NAALADL2: variants seen among roughly 807,000 people sequenced by gnomAD.
NAALADL2 encodes inactive N-acetylated-alpha-linked acidic dipeptidase-like protein 2.
A neutral mutation model predicts 87.2 loss-of-function variants in NAALADL2; 76 were observed. The ratio of observed to expected loss-of-function variants is 0.87; its 90% CI spans 0.72 to 1.05. The LOEUF (loss-of-function observed/expected upper bound fraction) is 1.05. NAALADL2 is among the 50% of genes least tolerant of loss of function. NAALADL2 has a pLI of 0.00. For missense variants in NAALADL2, 1,089 were observed against 945.8 expected, an observed-to-expected ratio of 1.15 and a Z score of -1.99; for synonymous variants, 354 against 331.0, an observed-to-expected ratio of 1.07 and a Z score of -0.75.
At chr3:174,935,652 A>G (rs988105471) in intron 1 of NAALADL2, among the ~76,000 whole-genome samples, 1 of 152,314 alleles carries the variant, frequency 6.6e-6, no homozygotes, top group Admixed American at 6.5e-5. Flanking sequence ...TATAACATTT[A>G]CAATTGTAAA....
intron 1 of NAALADL2, among the ~76,000 whole-genome samples, chr3:175,018,561 T>G (rs1751155636): frequency 6.6e-6 from 1 of 151,958 alleles, no homozygotes; most frequent in Non-Finnish European, 1.5e-5. Flanking sequence ...CAACTGAAAA[T>G]GAGGAGTTAG....
chr3:175,211,418 G>A (rs1284167276), intron 2 of NAALADL2, among the ~76,000 whole-genome samples: 1 of 151,758 alleles, frequency 6.6e-6, no homozygotes, highest in Non-Finnish European at 1.5e-5. Context: ...TTGATCAAAG[G>A]CTGACACTTC....
chr3:175,795,459 G>T (rs1360656702), intron 13 of NAALADL2, among the ~76,000 whole-genome samples: 2 of 151,648 alleles, frequency 1.3e-5, no homozygotes, highest in African/African-American at 2.4e-5. Flanking sequence ...GGATCACGAG[G>T]TCAGGATATT....
At chr3:175,564,143 T>C in intron 9 of NAALADL2, among the ~76,000 whole-genome samples, 1 of 152,006 alleles carries the variant, frequency 6.6e-6, no homozygotes, top group East Asian at 1.9e-4. Flanking sequence ...TTCAATTTTT[T>C]TTCTCCCTGT....
At chr3:174,615,594 T>C (rs113988109) in intron 2 of NAALADL2, among the ~76,000 whole-genome samples, 2 of 152,212 alleles carry the variant, frequency 1.3e-5, no homozygotes, top group African/African-American at 4.8e-5. Flanking sequence ...TCTGGTTTGC[T>C]TTTCTTAGGG....
At chr3:175,575,594 G>T (rs1293459736) in intron 9 of NAALADL2, among the ~76,000 whole-genome samples, 8 of 151,958 alleles carry the variant, frequency 5.3e-5, no homozygotes, top group Non-Finnish European at 8.8e-5. Context: ...CTCTTCTCTA[G>T]TTTTTAATAG....
At chr3:175,701,190 G>A (rs534897785) in intron 11 of NAALADL2, among the ~76,000 whole-genome samples, 1 of 152,246 alleles carries the variant, frequency 6.6e-6, no homozygotes, top group African/African-American at 2.4e-5. Context: ...TAGGGTTGGG[G>A]AAGCTGGAGG....
At chr3:174,930,788 A>G (rs915394738) in intron 1 of NAALADL2, among the ~76,000 whole-genome samples, 1 of 151,062 alleles carries the variant, frequency 6.6e-6, no homozygotes, top group South Asian at 2.1e-4. Flanking sequence ...TTCCTGGCTA[A>G]TTTTTTTGTA....
At chr3:175,507,324 A>AGTGGGGACAT (rs1239245330) in intron 9 of NAALADL2, among the ~76,000 whole-genome samples, 1 of 152,160 alleles carries the variant, frequency 6.6e-6, no homozygotes, top group African/African-American at 2.4e-5. Context: ...GGAAAAGGTC[A>AGTGGGGACAT]GTGGGGACAT....
chr3:174,731,251 G>T (rs1171355733), intron 2 of NAALADL2, among the ~76,000 whole-genome samples: 3 of 152,094 alleles, frequency 2.0e-5, no homozygotes, highest in Non-Finnish European at 4.4e-5. Context: ...GCAAAGGTTT[G>T]TCTTGACAGG....
intron 1 of NAALADL2, among the ~76,000 whole-genome samples, chr3:174,489,885 A>G (rs1278306564): frequency 6.6e-6 from 1 of 151,260 alleles, no homozygotes; most frequent in Non-Finnish European, 1.5e-5. Context: ...CCTTATAAGT[A>G]ACCCTTATAT....
At chr3:175,590,330 C>T (rs1721242035) in intron 10 of NAALADL2, among the ~76,000 whole-genome samples, 2 of 147,300 alleles carry the variant, frequency 1.4e-5, no homozygotes, top group African/African-American at 5.0e-5. Flanking sequence ...AATTGATTGA[C>T]CTGTTGAATT....
At chr3:174,901,535 T>G (rs984081116) in intron 1 of NAALADL2, among the ~76,000 whole-genome samples, 2 of 152,204 alleles carry the variant, frequency 1.3e-5, no homozygotes, top group African/African-American at 2.4e-5. Context: ...ATAGCTTTAA[T>G]GTGAAGCCAA....
At chr3:175,045,340 T>C (rs553884888) in intron 1 of NAALADL2, among the ~76,000 whole-genome samples, 9 of 152,308 alleles carry the variant, frequency 5.9e-5, no homozygotes, top group African/African-American at 1.7e-4. Flanking sequence ...GTTATTTCCT[T>C]GTACAGAATT....
chr3:175,082,776 A>G (rs1718134667), intron 1 of NAALADL2, among the ~76,000 whole-genome samples: 1 of 152,232 alleles, frequency 6.6e-6, no homozygotes, highest in Non-Finnish European at 1.5e-5. Flanking sequence ...CCTAAAAATA[A>G]GCATAGCTTT....
At chr3:175,331,181 C>G (rs1370577545) in intron 5 of NAALADL2, among the ~76,000 whole-genome samples, 2 of 151,974 alleles carry the variant, frequency 1.3e-5, no homozygotes, top group African/African-American at 4.8e-5. Context: ...ACAAAAAAAC[C>G]TAGGGTGGGA....
At chr3:174,955,595 C>T (rs962368665) in intron 1 of NAALADL2, among the ~76,000 whole-genome samples, 4 of 151,958 alleles carry the variant, frequency 2.6e-5, no homozygotes, top group Non-Finnish European at 5.9e-5. Context: ...CATATCTTTG[C>T]TAGAGGGAGT....
intron 11 of NAALADL2, among the ~76,000 whole-genome samples, chr3:175,720,643 C>G (rs1742108275): frequency 6.6e-6 from 1 of 151,328 alleles, no homozygotes; most frequent in Non-Finnish European, 1.5e-5. Flanking sequence ...AAAAATAAAC[C>G]CACATCTAAA....
At chr3:175,043,999 A>G (rs548392317) in intron 1 of NAALADL2, among the ~76,000 whole-genome samples, 1 of 152,240 alleles carries the variant, frequency 6.6e-6, no homozygotes, top group Admixed American at 6.5e-5. Context: ...AATTCTTCCA[A>G]TCTGTGAGCA....
Sources: gnomAD v4.1 joint callset for allele counts (sites outside exome capture counted in the v4.1 genomes callset) on GRCh38, gnomAD v4.1.1 for gene constraint, MANE v1.5 for transcripts, NCBI Gene and HGNC (gene_info 2026-07-23, HGNC 2026-07-21) for gene names.